The following PRKCB variants were observed in gnomAD, a reference collection of about 807,000 sequenced individuals.
PRKCB encodes protein kinase C beta.
In PRKCB, 13 loss-of-function variants were observed where a neutral mutation model predicts 81.5. That is an observed-to-expected ratio of 0.16 (90% CI 0.10 to 0.25). PRKCB has a LOEUF of 0.25. Among genes scored for constraint, PRKCB ranks in the 10% least tolerant of loss-of-function variants. The probability of loss-of-function intolerance (pLI) is 1.00; values close to 1 mark genes in which losing one functional copy is unlikely to be tolerated. For synonymous variants in PRKCB, 335 were observed against 321.4 expected (o/e 1.04, Z -0.45); for missense variants, 509 against 875.7 (o/e 0.58, Z 5.29).
In PRKCB at chr16:24,124,623, C is replaced by T. The variant is rs117673815; in HGVS notation, c.1065+642C>T. Among the ~76,000 whole-genome samples the T allele has an allele frequency of 4.0e-3, 606 of 152,222 alleles. 1 individual carries two copies. Among genetic ancestry groups the T allele is most frequent in the Non-Finnish European group, 6.2e-3 (419 of 68,008 alleles). On this transcript the variant is annotated intron_variant, in intron 9 of 16. Transcript: ENST00000643927. Reference sequence around the variant, plus strand: ...TTTCTGGACGCTTTTATAGATACTGCGAGATGCTGTTTTACTGAAGTTGAG... The same window carrying T: ...TTTCTGGACGCTTTTATAGATACTGTGAGATGCTGTTTTACTGAAGTTGAG...
At chr16:23,877,685 A>G (rs1325039055) in intron 2 of PRKCB, among the ~76,000 whole-genome samples, 1 of 152,184 alleles carries the variant, frequency 6.6e-6, no homozygotes, top group Non-Finnish European at 1.5e-5. Context: ...CACTGATTTC[A>G]TTTCAGTCTT....
chr16:23,938,250 A>T (rs901453266), intron 2 of PRKCB, among the ~76,000 whole-genome samples: 1 of 152,226 alleles, frequency 6.6e-6, no homozygotes, highest in African/African-American at 2.4e-5. Flanking sequence ...AAATGTTATC[A>T]TCTACATATT....
At chr16:23,912,507 CTTTTTTTTTTT>C (rs1210105406) in intron 2 of PRKCB, among the ~76,000 whole-genome samples, 1 of 72,078 alleles carries the variant, frequency 1.4e-5, no homozygotes, top group East Asian at 4.7e-4. Flanking sequence ...TTTCTTTCTT[CTTTTTTTTTTT>C]TTTTTTTTTT....
At chr16:24,066,108 T>TGC (rs1220311420) in intron 5 of PRKCB, among the ~76,000 whole-genome samples, 1 of 151,754 alleles carries the variant, frequency 6.6e-6, no homozygotes, top group Non-Finnish European at 1.5e-5. Context: ...TGTGTGTGTG[T>TGC]GTGTTTGTAT....
chr16:24,015,021 G>T (rs1470427630), intron 3 of PRKCB, among the ~76,000 whole-genome samples: 3 of 152,110 alleles, frequency 2.0e-5, no homozygotes, highest in Non-Finnish European at 2.9e-5. Context: ...GGCTGGTCTC[G>T]AACTCCTGGC....
At chr16:24,080,839 AG>A (rs1267320263) in intron 5 of PRKCB, among the ~76,000 whole-genome samples, 2 of 152,250 alleles carry the variant, frequency 1.3e-5, no homozygotes, top group Admixed American at 6.5e-5. Context: ...CAGATTAAAA[AG>A]TGCTTAAAAG....
At chr16:24,189,513 G>A (rs1210649251) in intron 15 of PRKCB, among the ~76,000 whole-genome samples, 1 of 151,564 alleles carries the variant, frequency 6.6e-6, no homozygotes, top group Non-Finnish European at 1.5e-5. Flanking sequence ...ATGGTGGTGG[G>A]CGCCTGTAAT....
At chr16:23,923,168 A>G (rs1441353936) in intron 2 of PRKCB, among the ~76,000 whole-genome samples, 2 of 152,118 alleles carry the variant, frequency 1.3e-5, no homozygotes, top group Non-Finnish European at 2.9e-5. Flanking sequence ...AGCTTAATTC[A>G]GAAGGGAATT....
At chr16:23,998,075 T>C (rs985885430) in intron 3 of PRKCB, among the ~76,000 whole-genome samples, 5 of 152,174 alleles carry the variant, frequency 3.3e-5, no homozygotes, top group Admixed American at 3.3e-4. Context: ...CACCATCTAA[T>C]CTGTTGAGGA....
intron 5 of PRKCB, among the ~76,000 whole-genome samples, chr16:24,078,602 T>C (rs1391525019): frequency 3.9e-5 from 6 of 152,320 alleles, no homozygotes; most frequent in Admixed American, 3.3e-4. Context: ...CCCTGAAAAC[T>C]CTGCCGTGCA....
At position 24,209,388 on chromosome 16, in the gene PRKCB, C is replaced by T. The variant is rs144075297; in HGVS notation, c.1864-5270C>T. ...TCTCCCCGATGCCACGGCCACCAAT[C>T]TAGCTCCCCAAACCTCTGCAATCCC... On this transcript the variant is annotated intron_variant, in intron 16 of 16. Transcript: ENST00000643927. Among the ~76,000 whole-genome samples, 982 of 152,262 alleles carry T rather than the reference C, an allele frequency of 6.4e-3. 15 individuals are homozygous for T. The highest frequency in any genetic ancestry group is 0.023 in the African/African-American group (938 of 41,540).
chr16:24,065,771 G>C lies in PRKCB; in HGVS notation c.530-27020G>C, dbSNP rs912035257. On this transcript the variant is annotated intron_variant, in intron 5 of 16. Transcript: ENST00000643927. The stretch of plus-strand genomic sequence containing the variant: ...TGCCTGTAGTCCCAGCTATTCAGGA[G>C]TCTGAGACAGGAGGATTGCTTGAGC... Among the ~76,000 whole-genome samples, 23 of 152,336 alleles carry C rather than the reference G, an allele frequency of 1.5e-4. No individual in the cohort carries two copies. The East Asian group carries it at 4.0e-3, about 27-fold the overall frequency.
chr16:24,124,432 T>C (rs970816758), intron 9 of PRKCB, among the ~76,000 whole-genome samples: 1 of 152,142 alleles, frequency 6.6e-6, no homozygotes, highest in African/African-American at 2.4e-5. Context: ...AATGAGGAGT[T>C]TGGGTTTCAC....
chr16:23,857,217 G>C (rs1198091574), intron 2 of PRKCB, among the ~76,000 whole-genome samples: 1 of 152,200 alleles, frequency 6.6e-6, no homozygotes, highest in Non-Finnish European at 1.5e-5. Context: ...TGCCTGGCCT[G>C]ACCTGTCACT....
chr16:23,846,019 A>G (rs1395659738), intron 2 of PRKCB, among the ~76,000 whole-genome samples: 1 of 152,158 alleles, frequency 6.6e-6, no homozygotes, highest in Admixed American at 6.5e-5. Context: ...CCTGCCAAAT[A>G]CCTTCCTCAC....
chr16:23,976,539 A>G (rs1410786840), intron 2 of PRKCB, among the ~76,000 whole-genome samples: 2 of 152,184 alleles, frequency 1.3e-5, no homozygotes, highest in Non-Finnish European at 2.9e-5. Flanking sequence ...GGCCCACACA[A>G]TCAGTGAGCC....
intron 2 of PRKCB, among the ~76,000 whole-genome samples, chr16:23,911,128 C>CTATTTTTTTTTTTTTTTTTTT (rs1963645011): frequency 3.2e-5 from 1 of 31,558 alleles, no homozygotes; most frequent in Non-Finnish European, 5.4e-5. Flanking sequence ...CGTATATATG[C>CTATTTTTTTTTTTTTTTTTTT]TTTTTTTTTT....
chr16:23,984,504 T>A (rs953265723), intron 2 of PRKCB, among the ~76,000 whole-genome samples: 3 of 152,080 alleles, frequency 2.0e-5, no homozygotes, highest in Admixed American at 6.5e-5. Context: ...AAGTAGCAAT[T>A]AATAAAGTAG....
chr16:23,903,719 G>A (rs1249744516), intron 2 of PRKCB, among the ~76,000 whole-genome samples: 1 of 152,156 alleles, frequency 6.6e-6, no homozygotes, highest in South Asian at 2.1e-4. Flanking sequence ...GCAGAAAGTG[G>A]TTCCCACTGC....
Sources: gnomAD v4.1 joint callset for allele counts (sites outside exome capture counted in the v4.1 genomes callset) on GRCh38, gnomAD v4.1.1 for gene constraint, MANE v1.5 for transcripts, NCBI Gene and HGNC (gene_info 2026-07-23, HGNC 2026-07-21) for gene names.